Variants in PTPRT observed in about 807,000 individuals in gnomAD.
PTPRT encodes protein tyrosine phosphatase receptor type T.
In PTPRT, 56 loss-of-function variants were observed where a neutral mutation model predicts 176.8. The observed-to-expected ratio is 0.32, with a 90% CI of 0.26 to 0.40. The LOEUF (loss-of-function observed/expected upper bound fraction) is 0.40, where lower values mean the gene tolerates loss of function less well. PTPRT is among the 10% of genes least tolerant of loss of function. The probability of loss-of-function intolerance (pLI) is 1.00; values close to 1 mark genes in which losing one functional copy is unlikely to be tolerated. For synonymous variants in PTPRT, 783 were observed against 739.0 expected (o/e 1.06, Z -0.96); for missense variants, 1,540 against 1,908.2 (o/e 0.81, Z 3.60).
intron 27 of PTPRT, among the ~76,000 whole-genome samples, chr20:42,087,001 A>G (rs1172528307): frequency 6.6e-6 from 1 of 151,448 alleles, no homozygotes; most frequent in Non-Finnish European, 1.5e-5. Context: ...CTTCTGTTTA[A>G]GACAGTGGTT....
At chr20:42,833,044 T>G (rs1199178239) in intron 2 of PTPRT, among the ~76,000 whole-genome samples, 2 of 151,900 alleles carry the variant, frequency 1.3e-5, no homozygotes, top group Non-Finnish European at 2.9e-5. Flanking sequence ...CAGCCTTGGC[T>G]GCACCACTAC....
chr20:42,280,715 G>T (rs1036919806), intron 13 of PTPRT, among the ~76,000 whole-genome samples: 1 of 152,134 alleles, frequency 6.6e-6, no homozygotes, highest in Admixed American at 6.6e-5. Context: ...CAATTCTCTT[G>T]CACATCAGCA....
intron 9 of PTPRT, among the ~76,000 whole-genome samples, chr20:42,383,401 C>T (rs1355622670): frequency 1.4e-5 from 2 of 142,750 alleles, no homozygotes; most frequent in African/African-American, 2.6e-5. Flanking sequence ...CAGAAGGACA[C>T]TGCTAAGCAG....
intron 1 of PTPRT, among the ~76,000 whole-genome samples, chr20:43,000,089 G>A (rs1390520222): frequency 1.4e-5 from 2 of 143,174 alleles, no homozygotes; most frequent in Non-Finnish European, 3.1e-5. Context: ...GAGGGAGGGA[G>A]GGAGGGAGGG....
intron 7 of PTPRT, among the ~76,000 whole-genome samples, chr20:42,588,564 G>T (rs1258263571): frequency 6.6e-6 from 1 of 152,002 alleles, no homozygotes; most frequent in Admixed American, 6.6e-5. Context: ...ATAAGAAAAA[G>T]AATGTAAAAT....
chr20:42,708,862 C>T (rs1238315072), intron 6 of PTPRT, among the ~76,000 whole-genome samples: 1 of 152,196 alleles, frequency 6.6e-6, no homozygotes, highest in Non-Finnish European at 1.5e-5. Context: ...CCCATGCCTA[C>T]CTCCATAGGA....
intron 1 of PTPRT, among the ~76,000 whole-genome samples, chr20:43,104,408 TA>T (rs2012515135): frequency 6.6e-6 from 1 of 151,952 alleles, no homozygotes; most frequent in South Asian, 2.1e-4. Context: ...TCAATCAACA[TA>T]ACAAAGCAGC....
At chr20:42,052,171 G>A in the PTPRT span, among the ~76,000 whole-genome samples, 1 of 152,212 alleles carries the variant, frequency 6.6e-6, no homozygotes, top group Non-Finnish European at 1.5e-5. Context: ...GGCAATGGGA[G>A]CACCCCAGGG....
chr20:42,245,196 T>C (rs1412150722), intron 14 of PTPRT, among the ~76,000 whole-genome samples: 3 of 152,104 alleles, frequency 2.0e-5, no homozygotes, highest in African/African-American at 7.2e-5. Flanking sequence ...GAAGGATGGA[T>C]ATTGTGTAGT....
Position 42,756,512 on chromosome 20 carries a change from C to A in PTPRT, c.809G>T (p.Arg270Leu), listed in dbSNP as rs751630191. The change falls in exon 6 of 31, where the codon CGC (arginine) becomes CTC (leucine). Residue 270 changes from arginine (R) to leucine (L), a missense_variant. This residue lies in a region of PTPRT where 273 missense variants were observed against 432.1 expected (regional missense o/e 0.63). Coordinates refer to ENST00000373187, the MANE Select transcript of PTPRT (RefSeq NM_007050.6). ...RSVSKYRCVIRSDGGSGVSNY... is the reference protein window; with the variant it reads ...RSVSKYRCVILSDGGSGVSNY... ...GGACACACCAGACCCACCATCAGAG[C>A]GGATCACACAGCGGTACTTGCTGAC... The A allele has an allele frequency of 1.2e-6, 2 of 1,610,204 alleles. No homozygotes were observed. Among genetic ancestry groups the A allele is most frequent in the Admixed American group, 1.7e-5 (1 of 59,636 alleles).
chr20:42,923,980 G>A (rs1436705511), intron 1 of PTPRT, among the ~76,000 whole-genome samples: 1 of 152,182 alleles, frequency 6.6e-6, no homozygotes, highest in African/African-American at 2.4e-5. Flanking sequence ...CAGTAGCTGG[G>A]ATTACAGGCA....
At chr20:43,073,974 GA>G (rs2011218694) in intron 1 of PTPRT, among the ~76,000 whole-genome samples, 1 of 152,016 alleles carries the variant, frequency 6.6e-6, no homozygotes, top group Admixed American at 6.5e-5. Context: ...GGCTGGTCTC[GA>G]ACTCCTGGGC....
intron 1 of PTPRT, among the ~76,000 whole-genome samples, chr20:42,988,063 G>A (rs770431438): frequency 6.6e-6 from 1 of 152,132 alleles, no homozygotes; most frequent in Non-Finnish European, 1.5e-5. Context: ...AAAGTCCACT[G>A]ATCACACACA....
chr20:42,067,442 C>T, the PTPRT span, among the ~76,000 whole-genome samples: 1 of 150,470 alleles, frequency 6.6e-6, no homozygotes, highest in Non-Finnish European at 1.5e-5. Flanking sequence ...CTGCAAGCTG[C>T]TTACTCTGCA....
intron 1 of PTPRT, among the ~76,000 whole-genome samples, chr20:42,898,801 G>C (rs2079348469): frequency 6.6e-6 from 1 of 152,140 alleles, no homozygotes; most frequent in South Asian, 2.1e-4. Context: ...CAAGGAGAAA[G>C]TGCGATGAAA....
chr20:42,890,401 C>T (rs1299829546), intron 1 of PTPRT, among the ~76,000 whole-genome samples: 4 of 152,128 alleles, frequency 2.6e-5, no homozygotes, highest in African/African-American at 9.7e-5. Context: ...GGGCTCATAT[C>T]CCTTCCCTGT....
intron 15 of PTPRT, among the ~76,000 whole-genome samples, chr20:42,201,973 G>C (rs1234972194): frequency 6.6e-6 from 1 of 151,578 alleles, no homozygotes; most frequent in Non-Finnish European, 1.5e-5. Context: ...GTGTGTGTGT[G>C]TGTGTATGTA....
chr20:43,085,583 A>C lies in PTPRT; in HGVS notation c.88+104063T>G, dbSNP rs536284081. On this transcript the variant is annotated intron_variant, in intron 1 of 30. Coordinates refer to ENST00000373187, the MANE Select transcript of PTPRT (RefSeq NM_007050.6). ...TGGGAGGCCTCACAATCATGGCAGAAGGTGAATGAGGAGCAGTCACATCTT... is the reference window on the plus strand; with the variant it reads ...TGGGAGGCCTCACAATCATGGCAGACGGTGAATGAGGAGCAGTCACATCTT... Among the ~76,000 whole-genome samples the C allele has an allele frequency of 6.6e-5, 10 of 152,306 alleles. No homozygotes were observed. In the East Asian group the frequency reaches 1.9e-3, roughly 29 times the overall value.
chr20:42,162,339 T>C (rs994257647), intron 16 of PTPRT, among the ~76,000 whole-genome samples: 2 of 152,204 alleles, frequency 1.3e-5, no homozygotes, highest in Non-Finnish European at 2.9e-5. Context: ...ATGTAGGATC[T>C]ATATTCTCTC....
Sources: allele counts gnomAD v4.1 joint callset (sites outside exome capture counted in the v4.1 genomes callset), GRCh38; gene constraint gnomAD v4.1.1; regional missense constraint gnomAD v4.1.1; transcripts MANE v1.5; gene names NCBI Gene and HGNC (gene_info 2026-07-23, HGNC 2026-07-21).